PHRF1: variants seen among roughly 807,000 people sequenced by gnomAD.
PHRF1 encodes the protein PHD and RING finger domain-containing protein 1.
In PHRF1, 53 loss-of-function variants were observed where a neutral mutation model predicts 128.9. The ratio of observed to expected loss-of-function variants is 0.41; its 90% confidence interval spans 0.33 to 0.52. The LOEUF (loss-of-function observed/expected upper bound fraction) is 0.52. Ranked by LOEUF, PHRF1 falls within the 20% of genes least tolerant of loss-of-function variation. The pLI is 0.21. For synonymous variants in PHRF1, 1,178 were observed against 980.6 expected, an observed-to-expected ratio of 1.20 and a Z score of -3.76; for missense variants, 2,503 against 2,284.5, an observed-to-expected ratio of 1.10 and a Z score of -1.95.
At position 609,462 on chromosome 11, in the gene PHRF1, C is replaced by T. The variant is rs572288081; in HGVS notation, c.4006C>T (p.Pro1336Ser). 52 of 1,605,652 alleles carry T rather than the reference C, an allele frequency of 3.2e-5. 1 individual carries two copies. The East Asian group carries it at 1.1e-3, about 34-fold the overall frequency. ...MHDEDPSQPP[P>S]LPEGTQEPHL... Reference sequence around the variant, plus strand: ...CGATGAAGACCCTTCGCAGCCCCCACCCCTGCCAGAGGGCACCCAGGAGCC... The same window carrying T: ...CGATGAAGACCCTTCGCAGCCCCCATCCCTGCCAGAGGGCACCCAGGAGCC... The change falls in exon 14 of 18, where the codon CCC becomes TCC. Residue 1336 changes from proline to serine, a missense_variant. Transcript: ENST00000264555.
chr11:611,766 G>A lies in PHRF1; in HGVS notation c.4939G>A (p.Ala1647Thr), dbSNP rs1564876131. The change falls in exon 18 of 18, where the codon GCC becomes ACC. Residue 1647 changes from alanine (A) to threonine (T), a missense_variant. Ala to Thr is a moderately conservative substitution (Grantham distance 58). Transcript: ENST00000264555. ...CGGGGAGGAGCCGCCCACGCAGGGGGCCGAGGGCTGAGGCCAGGCAATCAC... is the reference window on the plus strand; with the variant it reads ...CGGGGAGGAGCCGCCCACGCAGGGGACCGAGGGCTGAGGCCAGGCAATCAC... ...EAGEEPPTQG[A>T]EG 6.2e-7 allele frequency: 1 copy of A among 1,605,076 alleles called. No individual in the cohort carries two copies. The highest frequency in any genetic ancestry group is 8.5e-7 in the Non-Finnish European group (1 of 1,176,496).
chr11:604,438 G>T (rs1855826430), intron 10 of PHRF1, among the ~76,000 whole-genome samples: 1 of 152,316 alleles, frequency 6.6e-6, no homozygotes, highest in East Asian at 1.9e-4. Context: ...TAACTCTTAG[G>T]GTTTTTAGGA....
chr11:605,854 C>A, intron 12 of PHRF1, 130 bp downstream of exon 12: 3 of 1,384,860 alleles, frequency 2.2e-6, no homozygotes, highest in Non-Finnish European at 2.8e-6. Context: ...CCTCAGCTGT[C>A]ATGCTCATCA....
intron 1 of PHRF1, among the ~76,000 whole-genome samples, chr11:580,692 C>T (rs900655685): frequency 2.0e-5 from 3 of 152,176 alleles, no homozygotes; most frequent in African/African-American, 7.2e-5. Context: ...TCCTCAGGAG[C>T]ATTGCAGTTT....
chr11:579,757 C>T (rs548592949), intron 1 of PHRF1, among the ~76,000 whole-genome samples: 1 of 152,342 alleles, frequency 6.6e-6, no homozygotes, highest in East Asian at 1.9e-4. Context: ...ACTACTTCTA[C>T]AATCGCTGTT....
intron 13 of PHRF1, 125 bp downstream of exon 13, chr11:606,721 C>CTA: frequency 7.5e-7 from 1 of 1,332,368 alleles, no homozygotes; most frequent in Non-Finnish European, 1.0e-6. Flanking sequence ...CATTCCTCAG[C>CTA]CATTTTTCTG....
intron 1 of PHRF1, among the ~76,000 whole-genome samples, chr11:581,056 T>C (rs1238118504): frequency 1.3e-5 from 2 of 151,796 alleles, no homozygotes; most frequent in East Asian, 1.9e-4. Flanking sequence ...ACTCCCGACC[T>C]CAGGTGATCC....
intron 1 of PHRF1, among the ~76,000 whole-genome samples, chr11:580,918 A>G (rs1854164225): frequency 6.6e-6 from 1 of 151,920 alleles, no homozygotes; most frequent in Non-Finnish European, 1.5e-5. Context: ...CAAACTCCCG[A>G]CCTCAGGTGA....
Position 605,240 on chromosome 11 carries a change from A to T in PHRF1, c.1274A>T (p.Asp425Val), listed in dbSNP as rs1319603149. The stretch of plus-strand genomic sequence containing the variant: ...CCCTCTTTGGGGCTGCTGAGAGCGG[A>T]TATTGGAGCTGCCTCTCTGTCTCTG... ...VEPSLGLLRA[D>V]IGAASLSLFG... Residue 425 changes from aspartate (D) to valine (V), a missense_variant, in exon 11 of 18, where the codon GAT (aspartate) becomes GTT (valine). Physicochemically the swap from Asp to Val is radical, Grantham distance 152 (BLOSUM62 -3). Transcript: ENST00000264555. The T allele has an allele frequency of 6.2e-7, 1 of 1,613,384 alleles. No individual in the cohort carries two copies. The highest frequency in any genetic ancestry group is 8.5e-7 in the Non-Finnish European group (1 of 1,179,856).
rs567825248 is a variant in PHRF1 at position 611,079 on chromosome 11, G to A, written c.4803G>A (p.Gln1601=). The A allele has an allele frequency of 6.2e-7, 1 of 1,612,802 alleles. No individual in the cohort carries two copies. The highest frequency in any genetic ancestry group is 1.3e-5 in the African/African-American group (1 of 75,050). Residue 1601 remains glutamine (Q), a synonymous_variant, in exon 17 of 18, where the codon CAG becomes CAA. Transcript: ENST00000264555. ...EYKDILRKAV[Q]KICHSKSGEI... The stretch of plus-strand genomic sequence containing the variant: ...AGGACATCCTGCGCAAGGCCGTGCA[G>A]AAGGTGGGCTGTGTGCGAGCCTGTG...
chr11:584,465 T>C (rs1052425263), intron 3 of PHRF1, among the ~76,000 whole-genome samples: 17 of 151,984 alleles, frequency 1.1e-4, no homozygotes, highest in Non-Finnish European at 1.5e-4. Flanking sequence ...TCATAGACAC[T>C]GAGAGCTGTG....
intron 14 of PHRF1, 50 bp downstream of exon 14, chr11:609,770 G>A (rs1256825256): frequency 8.0e-7 from 1 of 1,250,284 alleles, no homozygotes; most frequent in African/African-American, 1.6e-5. Flanking sequence ...AGTGAGTAAG[G>A]CCCTGGCCCC....
chr11:605,550 G>T, intron 11 of PHRF1, 55 bp from the exon 12 acceptor site: 10 of 1,597,790 alleles, frequency 6.3e-6, no homozygotes, highest in Non-Finnish European at 8.5e-6. Flanking sequence ...CCTGGGCTGG[G>T]GTTTCTGGGA....
chr11:610,558 G>T lies in PHRF1; in HGVS notation c.4474G>T (p.Ala1492Ser), dbSNP rs751415854. The T allele has an allele frequency of 4.4e-6, 7 of 1,605,838 alleles. No individual in the cohort carries two copies. Among genetic ancestry groups the T allele is most frequent in the African/African-American group, 1.3e-5 (1 of 74,904 alleles). The change falls in exon 16 of 18, where the codon GCA (alanine) becomes TCA (serine). Residue 1492 changes from alanine to serine, a missense_variant. Coordinates refer to ENST00000264555, the MANE Select transcript of PHRF1 (RefSeq NM_001286581.2). Reference protein sequence around the residue: ...PAQPSSIPPCALVSQPTVQFI... With the variant: ...PAQPSSIPPCSLVSQPTVQFI... ...CCAGCCCTCAAGCATCCCACCCTGC[G>T]CACTGGTCAGCCAGCCCACGGTCCA...
At chr11:598,956 C>T (rs746956587) in intron 9 of PHRF1, among the ~76,000 whole-genome samples, 3 of 152,190 alleles carry the variant, frequency 2.0e-5, no homozygotes, top group African/African-American at 7.2e-5. Context: ...GTAATTTTGT[C>T]CCAGTGCTGG....
intron 4 of PHRF1, 43 bp from the exon 5 acceptor site, chr11:591,341 A>C: frequency 6.5e-7 from 1 of 1,529,624 alleles, no homozygotes; most frequent in African/African-American, 1.4e-5. Context: ...TCTCTAAGTG[A>C]AAGTGATTGA....
chr11:610,517 T>C lies in PHRF1; in HGVS notation c.4433T>C (p.Leu1478Pro), dbSNP rs753976332. 6 of 1,604,008 alleles carry C rather than the reference T, an allele frequency of 3.7e-6. No individual in the cohort carries two copies. Among genetic ancestry groups the C allele is most frequent in the Non-Finnish European group, 4.2e-6 (5 of 1,178,656 alleles). The change falls in exon 16 of 18, where the codon CTG (leucine) becomes CCG (proline). Residue 1478 changes from leucine (L) to proline (P), a missense_variant. Coordinates refer to ENST00000264555, the MANE Select transcript of PHRF1 (RefSeq NM_001286581.2). ...CCCTCCCAGGTTTACAGCCCCGGCC[T>C]GCCGCCTGCCCCGGCCCAGCCCTCA... is the stretch of plus-strand genomic sequence containing the variant. The part of the protein sequence containing the change: ...TDPSQVYSPG[L>P]PPAPAQPSSI...
Position 608,257 on chromosome 11 carries a change from G to C in PHRF1, c.2801G>C (p.Arg934Thr). Reference protein sequence around the residue: ...ESQGLAARLRRPSPPEPWDEE... With the variant: ...ESQGLAARLRTPSPPEPWDEE... ...CAGGGCCTGGCTGCCCGGCTGCGGA[G>C]GCCATCCCCCCCAGAGCCCTGGGAT... Residue 934 changes from arginine to threonine, a missense_variant, in exon 14 of 18, where the codon AGG (arginine) becomes ACG (threonine). Transcript: ENST00000264555. The C allele has an allele frequency of 6.2e-7, 1 of 1,609,990 alleles. No individual in the cohort carries two copies. The highest frequency in any genetic ancestry group is 8.5e-7 in the Non-Finnish European group (1 of 1,179,612).
chr11:601,992 C>T (rs895864524), intron 10 of PHRF1, among the ~76,000 whole-genome samples: 8 of 152,138 alleles, frequency 5.3e-5, no homozygotes, highest in Non-Finnish European at 1.0e-4. Context: ...ATCAGCTGGT[C>T]GGGGAGCCAG....
Sources: gnomAD v4.1 joint callset for allele counts (sites outside exome capture counted in the v4.1 genomes callset) on GRCh38, gnomAD v4.1.1 for gene constraint, MANE v1.5 for transcripts, NCBI Gene and HGNC (gene_info 2026-07-23, HGNC 2026-07-21) for gene names.